The following MPPED2 variants were observed in gnomAD, a reference collection of about 807,000 sequenced individuals.
MPPED2 encodes the protein metallophosphoesterase MPPED2.
MPPED2 carries 5 observed loss-of-function variants against 33.0 expected under a neutral mutation model. The observed-to-expected ratio is 0.15, with a 90% CI of 0.08 to 0.32. The LOEUF (loss-of-function observed/expected upper bound fraction) is 0.32, where lower values mean the gene tolerates loss of function less well. Among genes scored for constraint, MPPED2 ranks in the 10% least tolerant of loss-of-function variants. MPPED2 has a pLI of 1.00. For synonymous variants in MPPED2, 136 were observed against 141.9 expected (o/e 0.96, Z 0.29); for missense variants, 275 against 372.1 (o/e 0.74, Z 2.15).
chr11:30,565,021 C>G (rs1956386496), intron 2 of MPPED2, among the ~76,000 whole-genome samples: 1 of 152,098 alleles, frequency 6.6e-6, no homozygotes, highest in Non-Finnish European at 1.5e-5. Context: ...CTGAAACACA[C>G]CAATAAATTT....
intron 4 of MPPED2, among the ~76,000 whole-genome samples, chr11:30,491,099 G>A (rs1361435525): frequency 6.6e-6 from 1 of 152,162 alleles, no homozygotes; most frequent in Non-Finnish European, 1.5e-5. Flanking sequence ...TTACTAAGCA[G>A]GGACTCACCT....
At chr11:30,468,400 G>A (rs887438204) in intron 4 of MPPED2, among the ~76,000 whole-genome samples, 37 of 152,224 alleles carry the variant, frequency 2.4e-4, no homozygotes, top group Non-Finnish European at 4.7e-4. Flanking sequence ...ATTGCTGTAA[G>A]AACTATAGTT....
At chr11:30,417,399 T>C in intron 5 of MPPED2, 119 bp downstream of exon 5, 1 of 581,922 alleles carries the variant, frequency 1.7e-6, no homozygotes, top group South Asian at 2.2e-5. Context: ...TTGACTTTTC[T>C]TCTCGTATTC....
chr11:30,535,119 TATC>T (rs1158619236), intron 3 of MPPED2, among the ~76,000 whole-genome samples: 2 of 152,208 alleles, frequency 1.3e-5, no homozygotes, highest in African/African-American at 2.4e-5. Context: ...TAACACGTCT[TATC>T]ATTTAATCGA....
chr11:30,485,316 A>C (rs1316885655), intron 4 of MPPED2, among the ~76,000 whole-genome samples: 1 of 142,592 alleles, frequency 7.0e-6, no homozygotes, highest in African/African-American at 2.5e-5. Flanking sequence ...TACGTCTGGT[A>C]CCTGTATGTG....
intron 2 of MPPED2, among the ~76,000 whole-genome samples, chr11:30,570,149 A>G (rs1293701774): frequency 1.3e-5 from 2 of 152,184 alleles, no homozygotes; most frequent in African/African-American, 4.8e-5. Context: ...ACATGCATTT[A>G]TCTCTCACAA....
chr11:30,410,543 C>A lies in MPPED2; in HGVS notation c.*925G>T. ...TTGCATCCATTTAAGTCTATACATG[C>A]CTGTAACTGTACCTAGATTTAACTC... is the stretch of plus-strand genomic sequence containing the variant. On this transcript the variant is annotated 3_prime_UTR_variant, in exon 7 of 7. Coordinates refer to ENST00000358117, the MANE Select transcript of MPPED2 (RefSeq NM_001584.3). 4 of 985,694 alleles carry A rather than the reference C, an allele frequency of 4.1e-6. No homozygotes were observed. The highest frequency in any genetic ancestry group is 4.8e-6 in the Non-Finnish European group (4 of 829,924). 61.1% of individuals were successfully genotyped at this position (985,694 alleles called of 1,614,324 possible).
At chr11:30,553,360 C>T (rs746250010) in intron 2 of MPPED2, among the ~76,000 whole-genome samples, 3 of 152,198 alleles carry the variant, frequency 2.0e-5, no homozygotes, top group Non-Finnish European at 4.4e-5. Context: ...TACCAAGGCT[C>T]TTTTAACACC....
intron 3 of MPPED2, among the ~76,000 whole-genome samples, chr11:30,514,319 G>A (rs1299821575): frequency 2.0e-5 from 3 of 152,144 alleles, no homozygotes; most frequent in Non-Finnish European, 4.4e-5. Context: ...GAGACATACT[G>A]GAAGGAATGA....
intron 2 of MPPED2, among the ~76,000 whole-genome samples, chr11:30,579,871 A>G (rs1957089036): frequency 6.6e-6 from 1 of 152,022 alleles, no homozygotes; most frequent in African/African-American, 2.4e-5. Context: ...AATATTTCAG[A>G]ATGGAGGCAA....
chr11:30,508,752 G>A (rs537395033), intron 3 of MPPED2, among the ~76,000 whole-genome samples: 3 of 152,220 alleles, frequency 2.0e-5, no homozygotes, highest in South Asian at 2.1e-4. Context: ...AGGGCCAAAC[G>A]TTCTGTGGTA....
rs552132353 is a variant in MPPED2 at position 30,520,911 on chromosome 11, GGGACTC to G, written c.310+15077_310+15082del. Reference sequence around the variant, plus strand: ...CCGAGTATGTACCCACCAGGCCCAGGGGACTCCTCTTTACACTTTGTAGAAAAGCAC... The same window carrying G: ...CCGAGTATGTACCCACCAGGCCCAGGCTCTTTACACTTTGTAGAAAAGCAC... On this transcript the variant is annotated intron_variant, in intron 3 of 6. Coordinates refer to ENST00000358117, the MANE Select transcript of MPPED2 (RefSeq NM_001584.3). 2.1e-4 allele frequency among the ~76,000 whole-genome samples: 32 copies of G among 152,094 alleles called. 1 individual carries two copies. The South Asian group carries it at 6.6e-3, about 32-fold the overall frequency.
chr11:30,481,523 T>TAGA (rs1364503920), intron 4 of MPPED2, among the ~76,000 whole-genome samples: 1 of 152,144 alleles, frequency 6.6e-6, no homozygotes, highest in Non-Finnish European at 1.5e-5. Flanking sequence ...GACTGATTAA[T>TAGA]AGAAACAAGC....
intron 3 of MPPED2, among the ~76,000 whole-genome samples, chr11:30,527,366 G>GTT (rs34308491): frequency 1.4e-3 from 201 of 142,724 alleles, no homozygotes; most frequent in South Asian, 3.8e-3. Flanking sequence ...TGAAAGAGTT[G>GTT]TTTTTTTTTT....
At chr11:30,418,763 G>A (rs1948482696) in intron 4 of MPPED2, among the ~76,000 whole-genome samples, 1 of 152,192 alleles carries the variant, frequency 6.6e-6, no homozygotes, top group Non-Finnish European at 1.5e-5. Context: ...CTAATCAAAT[G>A]GAGTGCACAC....
intron 3 of MPPED2, among the ~76,000 whole-genome samples, chr11:30,497,922 T>C (rs1044361291): frequency 3.3e-5 from 5 of 152,186 alleles, no homozygotes; most frequent in African/African-American, 1.2e-4. Context: ...TTCTATCCTC[T>C]GTTACCGATG....
chr11:30,509,218 G>A (rs1953006223), intron 3 of MPPED2, among the ~76,000 whole-genome samples: 2 of 152,188 alleles, frequency 1.3e-5, no homozygotes, highest in Non-Finnish European at 2.9e-5. Flanking sequence ...GGGCAAAGAA[G>A]TTGGCCCACC....
At chr11:30,528,577 CA>C (rs1460483563) in intron 3 of MPPED2, among the ~76,000 whole-genome samples, 4 of 152,134 alleles carry the variant, frequency 2.6e-5, no homozygotes, top group Non-Finnish European at 5.9e-5. Flanking sequence ...CATGTTTTTA[CA>C]ATGAACATGT....
At position 30,519,371 on chromosome 11, in the gene MPPED2, C is replaced by T. The variant is rs200978882; in HGVS notation, c.310+16623G>A. Reference sequence around the variant, plus strand: ...GTATGTGCATATATATATACACACACTCATATATATACACATATATATGTG... The same window carrying T: ...GTATGTGCATATATATATACACACATTCATATATATACACATATATATGTG... On this transcript the variant is annotated intron_variant, in intron 3 of 6. Transcript: ENST00000358117. 4.6e-5 allele frequency among the ~76,000 whole-genome samples: 7 copies of T among 151,604 alleles called. No homozygotes were observed. The East Asian group carries it at 5.8e-4, about 13-fold the overall frequency.
Sources: gnomAD v4.1 joint callset for allele counts (sites outside exome capture counted in the v4.1 genomes callset) on GRCh38, gnomAD v4.1.1 for gene constraint, MANE v1.5 for transcripts, NCBI Gene and HGNC (gene_info 2026-07-23, HGNC 2026-07-21) for gene names.